The following CNTNAP2 variants were observed in gnomAD, a reference collection of about 807,000 sequenced individuals.
CNTNAP2 encodes the protein contactin associated protein 2.
Under a neutral mutation model 155.2 loss-of-function variants are expected in CNTNAP2, and 98 were observed. The observed-to-expected ratio is 0.63, with a 90% CI of 0.54 to 0.75. The LOEUF is 0.75. CNTNAP2 is among the 30% of genes least tolerant of loss of function. The probability of loss-of-function intolerance (pLI) is 0.00; values close to 1 mark genes in which losing one functional copy is unlikely to be tolerated. For missense variants in CNTNAP2, 1,727 were observed against 1,688.1 expected, an observed-to-expected ratio of 1.02 and a Z score of -0.40; for synonymous variants, 651 against 631.2, an observed-to-expected ratio of 1.03 and a Z score of -0.47.
intron 3 of CNTNAP2, among the ~76,000 whole-genome samples, chr7:146,997,517 G>T (rs1798333493): frequency 6.6e-6 from 1 of 151,998 alleles, no homozygotes; most frequent in Non-Finnish European, 1.5e-5. Flanking sequence ...CAGGAATATT[G>T]GCCAGTAGTT....
intron 1 of CNTNAP2, among the ~76,000 whole-genome samples, chr7:146,569,272 G>A (rs1798405273): frequency 1.3e-5 from 2 of 152,056 alleles, no homozygotes; most frequent in Admixed American, 1.3e-4. Context: ...GCCCTCCTCG[G>A]CCTCCCAAAG....
At chr7:148,183,958 C>T (rs1200249003) in intron 18 of CNTNAP2, among the ~76,000 whole-genome samples, 1 of 152,058 alleles carries the variant, frequency 6.6e-6, no homozygotes, top group African/African-American at 2.4e-5. Flanking sequence ...GGAATTTTTT[C>T]CATTTTTCAA....
chr7:147,622,155 A>G (rs1794871041), intron 12 of CNTNAP2, among the ~76,000 whole-genome samples: 1 of 152,012 alleles, frequency 6.6e-6, no homozygotes, highest in Non-Finnish European at 1.5e-5. Context: ...TATTAGAGCT[A>G]AAGAGAGAGA....
chr7:146,407,665 A>G (rs1795811455), intron 1 of CNTNAP2, among the ~76,000 whole-genome samples: 1 of 152,166 alleles, frequency 6.6e-6, no homozygotes, highest in Non-Finnish European at 1.5e-5. Flanking sequence ...CCATTTCCCC[A>G]GAAGCTCAGA....
chr7:147,542,856 A>G (rs900802737), intron 11 of CNTNAP2, among the ~76,000 whole-genome samples: 1 of 152,192 alleles, frequency 6.6e-6, no homozygotes, highest in African/African-American at 2.4e-5. Context: ...GTTCAGACCT[A>G]CATATGTATT....
intron 9 of CNTNAP2, among the ~76,000 whole-genome samples, chr7:147,338,501 G>C (rs776873577): frequency 6.6e-6 from 1 of 151,952 alleles, no homozygotes; most frequent in African/African-American, 2.4e-5. Flanking sequence ...AAATGCCCTG[G>C]TGATTGTTAA....
chr7:147,277,775 C>CT (rs61529022), intron 8 of CNTNAP2, among the ~76,000 whole-genome samples: 86 of 147,814 alleles, frequency 5.8e-4, no homozygotes, highest in Middle Eastern at 3.5e-3. Flanking sequence ...GTTCAAACTT[C>CT]TTTTTTTTTT....
chr7:146,832,523 A>G lies in CNTNAP2; in HGVS notation c.209-7188A>G, dbSNP rs562110360. On this transcript the variant is annotated intron_variant, in intron 2 of 23. Transcript: ENST00000361727. ...ATAGTGGTAAATTTTATATATGTAC[A>G]TATTAATATATATCAATATACATTA... 2.0e-5 allele frequency among the ~76,000 whole-genome samples: 3 copies of G among 148,002 alleles called. No homozygotes were observed. The South Asian group carries it at 6.3e-4, about 31-fold the overall frequency.
At chr7:146,478,896 T>G (rs746830164) in intron 1 of CNTNAP2, among the ~76,000 whole-genome samples, 3 of 152,170 alleles carry the variant, frequency 2.0e-5, no homozygotes, top group Admixed American at 1.3e-4. Flanking sequence ...AAATTAAAGA[T>G]GGTGTCTACT....
At chr7:146,297,257 T>C (rs2129087669) in intron 1 of CNTNAP2, among the ~76,000 whole-genome samples, 1 of 152,252 alleles carries the variant, frequency 6.6e-6, no homozygotes, top group East Asian at 1.9e-4. Flanking sequence ...TATTCAGATC[T>C]GTATGTTTTC....
chr7:147,893,435 C>G (rs148671259), intron 13 of CNTNAP2, among the ~76,000 whole-genome samples: 39 of 152,214 alleles, frequency 2.6e-4, no homozygotes, highest in African/African-American at 9.1e-4. Flanking sequence ...GATTGGTATC[C>G]CAATGGCACC....
At chr7:146,307,408 G>A (rs1800733287) in intron 1 of CNTNAP2, among the ~76,000 whole-genome samples, 1 of 152,054 alleles carries the variant, frequency 6.6e-6, no homozygotes, top group African/African-American at 2.4e-5. Flanking sequence ...TACTGCCCAA[G>A]GTAATTTATA....
intron 1 of CNTNAP2, among the ~76,000 whole-genome samples, chr7:146,310,314 T>C (rs944663575): frequency 3.3e-5 from 5 of 152,200 alleles, no homozygotes; most frequent in Non-Finnish European, 5.9e-5. Context: ...ATTATTTATG[T>C]TGATATTATT....
At chr7:147,980,823 C>T (rs919805990) in intron 15 of CNTNAP2, among the ~76,000 whole-genome samples, 3 of 146,994 alleles carry the variant, frequency 2.0e-5, no homozygotes, top group South Asian at 2.2e-4. Context: ...CCCAGCTACT[C>T]GGGAGGCTGA....
At chr7:147,603,855 T>A (rs1801005770) in intron 12 of CNTNAP2, among the ~76,000 whole-genome samples, 1 of 152,140 alleles carries the variant, frequency 6.6e-6, no homozygotes, top group African/African-American at 2.4e-5. Flanking sequence ...AACAGCATGG[T>A]ACTGGTACTA....
At chr7:148,316,948 C>A (rs1193564111) in intron 21 of CNTNAP2, among the ~76,000 whole-genome samples, 1 of 152,206 alleles carries the variant, frequency 6.6e-6, no homozygotes, top group Non-Finnish European at 1.5e-5. Context: ...ATTTGGCAAT[C>A]TGTATTTTTT....
chr7:146,170,894 T>G (rs1049245218), intron 1 of CNTNAP2, among the ~76,000 whole-genome samples: 2 of 152,042 alleles, frequency 1.3e-5, no homozygotes, highest in Non-Finnish European at 2.9e-5. Flanking sequence ...AGACATAGTG[T>G]TGGCTGCGTG....
At chr7:147,225,495 A>G (rs1803500295) in intron 8 of CNTNAP2, among the ~76,000 whole-genome samples, 1 of 152,172 alleles carries the variant, frequency 6.6e-6, no homozygotes, top group South Asian at 2.1e-4. Context: ...TTAGGTTTAA[A>G]GTACCCTTTG....
At chr7:148,297,725 G>T (rs774982788) in intron 21 of CNTNAP2, among the ~76,000 whole-genome samples, 1 of 152,162 alleles carries the variant, frequency 6.6e-6, no homozygotes, top group African/African-American at 2.4e-5. Flanking sequence ...AAGTAGAAAT[G>T]ATGTGTATTA....
Sources: allele counts gnomAD v4.1 joint callset (sites outside exome capture counted in the v4.1 genomes callset), GRCh38; gene constraint gnomAD v4.1.1; transcripts MANE v1.5; gene names NCBI Gene and HGNC (gene_info 2026-07-23, HGNC 2026-07-21).